BRINP1: variants seen among roughly 807,000 people sequenced by gnomAD.
The protein encoded by BRINP1 is BMP/retinoic acid-inducible neural-specific protein 1.
In BRINP1, 17 loss-of-function variants were observed where a neutral mutation model predicts 72.9. The ratio of observed to expected loss-of-function variants is 0.23; its 90% confidence interval spans 0.16 to 0.35. The LOEUF (loss-of-function observed/expected upper bound fraction) is 0.35. Ranked by LOEUF, BRINP1 falls within the 10% of genes least tolerant of loss-of-function variation. The pLI, the probability that BRINP1 is intolerant of heterozygous loss-of-function variation, is 1.00. For missense variants in BRINP1, 850 were observed against 1,001.6 expected, an observed-to-expected ratio of 0.85 and a Z score of 2.04; for synonymous variants, 418 against 378.5, an observed-to-expected ratio of 1.10 and a Z score of -1.21.
At chr9:119,296,323 A>G (rs1830876923) in intron 2 of BRINP1, among the ~76,000 whole-genome samples, 1 of 152,234 alleles carries the variant, frequency 6.6e-6, no homozygotes, top group Non-Finnish European at 1.5e-5. Flanking sequence ...GAAAATGTAA[A>G]TCAAAACCAC....
intron 7 of BRINP1, among the ~76,000 whole-genome samples, chr9:119,177,153 T>A (rs535403351): frequency 3.8e-4 from 58 of 152,338 alleles, no homozygotes; most frequent in African/African-American, 1.2e-3. Context: ...CATATTTTTC[T>A]TGTTAGTTTT....
At chr9:119,280,048 T>G (rs183472011) in intron 2 of BRINP1, among the ~76,000 whole-genome samples, 2 of 152,042 alleles carry the variant, frequency 1.3e-5, no homozygotes, top group Admixed American at 1.3e-4. Flanking sequence ...GGCAATAAAA[T>G]AAAATGTCCA....
At chr9:119,175,119 TA>T (rs35857917) in intron 7 of BRINP1, among the ~76,000 whole-genome samples, 9,708 of 62,528 alleles carry the variant, frequency 0.16, 373 homozygotes, top group Non-Finnish European at 0.23. Flanking sequence ...AAGTAAAGTA[TA>T]AAAAAAAAAA....
chr9:119,201,463 C>G (rs1348536054), intron 7 of BRINP1, among the ~76,000 whole-genome samples: 2 of 152,118 alleles, frequency 1.3e-5, no homozygotes, highest in Non-Finnish European at 2.9e-5. Context: ...GAAAAATTAC[C>G]TTATGTTCTT....
intron 5 of BRINP1, among the ~76,000 whole-genome samples, chr9:119,225,853 T>C (rs771959237): frequency 6.6e-6 from 1 of 151,996 alleles, no homozygotes; most frequent in Non-Finnish European, 1.5e-5. Context: ...CACTTAAAAA[T>C]GATTAAAGTG....
chr9:119,242,238 A>G (rs1358917111), intron 3 of BRINP1, 22 bp from the exon 4 acceptor site: 2 of 1,610,788 alleles, frequency 1.2e-6, no homozygotes, highest in Non-Finnish European at 1.7e-6. Context: ...AGAAAAGTAG[A>G]TAAGAAGGTT....
At chr9:119,341,703 A>G (rs953688673) in intron 1 of BRINP1, among the ~76,000 whole-genome samples, 17 of 152,182 alleles carry the variant, frequency 1.1e-4, no homozygotes, top group African/African-American at 4.1e-4. Context: ...TATTGAATGC[A>G]TTTTTGGCTT....
intron 1 of BRINP1, among the ~76,000 whole-genome samples, chr9:119,333,740 C>G (rs554151558): frequency 3.3e-5 from 5 of 152,172 alleles, no homozygotes; most frequent in Non-Finnish European, 5.9e-5. Flanking sequence ...CTTAATCCAT[C>G]TATGCATAAG....
Position 119,167,744 on chromosome 9 carries a change from G to T in BRINP1, c.1626C>A (p.Ile542=), listed in dbSNP as rs770635000. The part of the protein sequence containing the change: ...KNRMDFIHMV[I]GMSMRICQMR... Reference sequence around the variant, plus strand: ...TCTGGCAGATGCGCATGGACATGCCGATCACCATGTGGATGAAGTCCATGC... The same window carrying T: ...TCTGGCAGATGCGCATGGACATGCCTATCACCATGTGGATGAAGTCCATGC... Residue 542 remains isoleucine, a synonymous_variant, in exon 8 of 8, where the codon ATC becomes ATA. Transcript: ENST00000265922. This position sits in a 1 kb window ranked among gnomAD's most constrained non-coding sequence, Gnocchi z 4.3. 1.5e-5 allele frequency: 24 copies of T among 1,614,142 alleles called. No homozygotes were observed. The East Asian group carries it at 4.9e-4, about 33-fold the overall frequency.
intron 7 of BRINP1, among the ~76,000 whole-genome samples, chr9:119,172,676 CA>C (rs1829429814): frequency 6.6e-6 from 1 of 151,038 alleles, no homozygotes; most frequent in African/African-American, 2.4e-5. Context: ...GAGACACAAC[CA>C]AAAAAGAGAA....
intron 2 of BRINP1, chr9:119,283,280 C>T (rs1830731095): frequency 1.4e-6 from 1 of 697,022 alleles, no homozygotes; most frequent in South Asian, 6.5e-5. Context: ...GTTAGAAATG[C>T]AAAATCTCCA....
chr9:119,169,490 G>A (rs1285376149), intron 7 of BRINP1, among the ~76,000 whole-genome samples: 1 of 152,202 alleles, frequency 6.6e-6, no homozygotes, highest in African/African-American at 2.4e-5. Context: ...TACGCCCACA[G>A]AGTCTCGCTG....
In BRINP1 at chr9:119,284,444, A is replaced by C. The variant is rs565836438; in HGVS notation, c.218+28694T>G. On this transcript the variant is annotated intron_variant, in intron 2 of 7. Transcript: ENST00000265922. The stretch of plus-strand genomic sequence containing the variant: ...AAGATGTTGAAGCTTTAGGAGCCTC[A>C]TTTTAAAAATGGATATAGTCTCACT... Among the ~76,000 whole-genome samples the C allele has an allele frequency of 2.9e-4, 44 of 152,316 alleles. No individual in the cohort carries two copies. The Middle Eastern group carries it at 0.01, about 35-fold the overall frequency.
chr9:119,203,946 T>C (rs1829828209), intron 7 of BRINP1, among the ~76,000 whole-genome samples: 1 of 152,196 alleles, frequency 6.6e-6, no homozygotes. Flanking sequence ...GGTTAGGCTT[T>C]TGGCCAACAG....
intron 5 of BRINP1, among the ~76,000 whole-genome samples, chr9:119,217,378 CTGAGAAAA>C (rs956638914): frequency 2.6e-5 from 4 of 151,758 alleles, no homozygotes; most frequent in African/African-American, 9.7e-5. Context: ...GAAAAGAAAA[CTGAGAAAA>C]TGAGAGAGAA....
rs192800230 is a variant in BRINP1, at chr9:119,168,115, T to G, written c.1255A>C (p.Thr419Pro). ...SQRSCVCHGS[T>P]TLCQRPIPCV... Reference sequence around the variant, plus strand: ...GGGATGGGGCGCTGGCACAGCGTGGTGCTGCCGTGGCACACGCAGCTCCGC... The same window carrying G: ...GGGATGGGGCGCTGGCACAGCGTGGGGCTGCCGTGGCACACGCAGCTCCGC... The change falls in exon 8 of 8, where the codon ACC becomes CCC. Residue 419 changes from threonine (T) to proline (P), a missense_variant. By Grantham distance (38) the Thr-to-Pro change is conservative. Coordinates refer to ENST00000265922, the MANE Select transcript of BRINP1 (RefSeq NM_014618.3). 1 of 1,607,856 alleles carries G rather than the reference T, an allele frequency of 6.2e-7. No homozygotes were observed. The highest frequency in any genetic ancestry group is 1.3e-5 in the African/African-American group (1 of 74,934).
At chr9:119,290,402 A>T (rs902288430) in intron 2 of BRINP1, among the ~76,000 whole-genome samples, 1 of 152,198 alleles carries the variant, frequency 6.6e-6, no homozygotes, top group African/African-American at 2.4e-5. Context: ...TGAACAAGAA[A>T]AATCATGAAG....
At position 119,369,070 on chromosome 9, in the gene BRINP1, C is replaced by T. The variant is rs1349270329; in HGVS notation, c.-65G>A. On this transcript the variant is annotated 5_prime_UTR_variant, in exon 1 of 8. Coordinates refer to ENST00000265922, the MANE Select transcript of BRINP1 (RefSeq NM_014618.3). ...CGCCGCCTTACCTGGAGTCAATGTC[C>T]GTCTTTGGCGGAGAGCTGCGGGAGG... The T allele has an allele frequency of 7.6e-6, 3 of 396,376 alleles. No individual in the cohort carries two copies. Among genetic ancestry groups the T allele is most frequent in the Non-Finnish European group, 1.3e-5 (3 of 224,802 alleles). 24.6% of individuals were successfully genotyped at this position (396,376 alleles called of 1,614,324 possible).
At chr9:119,230,574 G>T (rs1830139276) in intron 5 of BRINP1, among the ~76,000 whole-genome samples, 1 of 151,982 alleles carries the variant, frequency 6.6e-6, no homozygotes, top group South Asian at 2.1e-4. Context: ...TTCAATAGAA[G>T]AGAGTGAGGA....
Sources: allele counts gnomAD v4.1 joint callset (sites outside exome capture counted in the v4.1 genomes callset), GRCh38; gene constraint gnomAD v4.1.1; non-coding constraint Gnocchi (gnomAD v3.1); transcripts MANE v1.5; gene names NCBI Gene and HGNC (gene_info 2026-07-23, HGNC 2026-07-21).